MSL2: variants seen among roughly 807,000 people sequenced by gnomAD.
MSL2 encodes the protein E3 ubiquitin-protein ligase MSL2.
Under a neutral mutation model 35.8 loss-of-function variants are expected in MSL2, and 2 were observed. The observed-to-expected ratio is 0.06, with a 90% CI of 0.02 to 0.18. The LOEUF (loss-of-function observed/expected upper bound fraction) is 0.18. Among genes scored for constraint, MSL2 ranks in the 10% least tolerant of loss-of-function variants. The pLI is 1.00. For missense variants in MSL2, 523 were observed against 706.7 expected (o/e 0.74, Z 2.95); for synonymous variants, 296 against 255.7 (o/e 1.16, Z -1.50).
chr3:136,158,598 T>C (rs1022672777), intron 1 of MSL2, among the ~76,000 whole-genome samples: 1 of 152,094 alleles, frequency 6.6e-6, no homozygotes, highest in African/African-American at 2.4e-5. Context: ...AAATTGTACT[T>C]GTTCTAGCTG....
chr3:136,160,390 CCA>C (rs1437737889), intron 1 of MSL2, among the ~76,000 whole-genome samples: 2 of 109,210 alleles, frequency 1.8e-5, no homozygotes, highest in Non-Finnish European at 3.6e-5. Flanking sequence ...CAAAAATAAA[CCA>C]CAGACTGAGA....
At chr3:136,170,908 G>A (rs1207406168) in intron 1 of MSL2, among the ~76,000 whole-genome samples, 2 of 152,044 alleles carry the variant, frequency 1.3e-5, no homozygotes, top group Non-Finnish European at 2.9e-5. Context: ...GTAAAAATGA[G>A]GTAGCAGAAC....
chr3:136,195,827 G>T lies in MSL2; in HGVS notation c.-714C>A, dbSNP rs1159706903. 4.1e-6 allele frequency: 4 copies of T among 984,804 alleles called. No individual in the cohort carries two copies. The South Asian group carries it at 1.4e-4, about 35-fold the overall frequency. The allele number at this position is 984,804 out of a possible 1,614,324, so 61.0% of individuals were successfully genotyped here. ...GGGCGGGAGTCCTCAACCCGGAGGGGAAGGCCGGGGAGGAAGTGCGCGGGC... is the reference window on the plus strand; with the variant it reads ...GGGCGGGAGTCCTCAACCCGGAGGGTAAGGCCGGGGAGGAAGTGCGCGGGC... On this transcript the variant is annotated 5_prime_UTR_variant, in exon 1 of 2. Transcript: ENST00000309993.
chr3:136,156,528 GA>G (rs934746168), intron 1 of MSL2, among the ~76,000 whole-genome samples: 35 of 152,130 alleles, frequency 2.3e-4, no homozygotes, highest in Admixed American at 1.8e-3. Context: ...AGTCTCCTTA[GA>G]AAAAAAATTA....
rs538757436 is a variant in MSL2 at position 136,187,943 on chromosome 3, T to TA, written c.142+7028dup. 1.7e-3 allele frequency among the ~76,000 whole-genome samples: 265 copies of TA among 151,646 alleles called. 3 individuals are homozygous for TA. Among genetic ancestry groups the TA allele is most frequent in the African/African-American group, 4.7e-3 (196 of 41,362 alleles). On this transcript the variant is annotated intron_variant, in intron 1 of 1. Coordinates refer to ENST00000309993, the MANE Select transcript of MSL2 (RefSeq NM_018133.4). ...CAGGTGGCCTGTAGAACATATTTTT[T>TA]AAAAAAAAGAAAGAAAGAAACGGGT... is the stretch of plus-strand genomic sequence containing the variant.
Position 136,151,074 on chromosome 3 carries a change from AC to A in MSL2, c.*72del, listed in dbSNP as rs1939349293. The A allele has an allele frequency of 6.6e-7, 1 of 1,518,242 alleles. No individual in the cohort carries two copies. The highest frequency in any genetic ancestry group is 1.4e-5 in the African/African-American group (1 of 72,312). The allele number at this position is 1,518,242 out of a possible 1,614,324, so 94.0% of individuals were successfully genotyped here. A position where few individuals can be genotyped will look rare whatever the true frequency, so the allele number is the denominator to read the frequency against. ...ATATGCAGGAGCTCCGGCAAGTTAAACCAACAGAACCATAGCTGCCGTAAAA... is the reference window on the plus strand; with the variant it reads ...ATATGCAGGAGCTCCGGCAAGTTAAACAACAGAACCATAGCTGCCGTAAAA... On this transcript the variant is annotated 3_prime_UTR_variant, in exon 2 of 2. Transcript: ENST00000309993. The surrounding 1 kb of genome is among the most constrained non-coding windows in gnomAD (Gnocchi z 5.2).
At chr3:136,163,107 A>G (rs1426890968) in intron 1 of MSL2, among the ~76,000 whole-genome samples, 1 of 152,004 alleles carries the variant, frequency 6.6e-6, no homozygotes, top group African/African-American at 2.4e-5. Context: ...AAAATACAAC[A>G]TATTAGCTGG....
At chr3:136,184,050 C>A (rs1940440657) in intron 1 of MSL2, among the ~76,000 whole-genome samples, 1 of 152,252 alleles carries the variant, frequency 6.6e-6, no homozygotes, top group East Asian at 1.9e-4. Context: ...AATCGCAGCA[C>A]TTTGGGAGGC....
intron 1 of MSL2, among the ~76,000 whole-genome samples, chr3:136,166,059 CAGTAAAAA>C (rs1939838610): frequency 1.1e-5 from 1 of 87,488 alleles, no homozygotes; most frequent in African/African-American, 4.6e-5. Flanking sequence ...ATGTACGTAC[CAGTAAAAA>C]AAAAAAAAAA....
intron 1 of MSL2, among the ~76,000 whole-genome samples, chr3:136,165,227 C>T (rs918352645): frequency 6.7e-6 from 1 of 149,562 alleles, no homozygotes; most frequent in Non-Finnish European, 1.5e-5. Flanking sequence ...AAAAAAAAGT[C>T]TCACTGCACT....
chr3:136,179,473 G>T (rs1412193803), intron 1 of MSL2, among the ~76,000 whole-genome samples: 2 of 152,172 alleles, frequency 1.3e-5, no homozygotes, highest in East Asian at 3.8e-4. Context: ...GAGCCATCCT[G>T]CCCAGCGAGG....
At chr3:136,157,602 T>C (rs1356162630) in intron 1 of MSL2, among the ~76,000 whole-genome samples, 22 of 152,088 alleles carry the variant, frequency 1.4e-4, no homozygotes. Flanking sequence ...CAAAAGTTGG[T>C]TGTTTTAAAA....
intron 1 of MSL2, chr3:136,194,245 G>A (rs1464926763): frequency 5.1e-6 from 1 of 195,288 alleles, no homozygotes; most frequent in Non-Finnish European, 9.3e-6. Flanking sequence ...ATTTTCCTTA[G>A]ACAATTTAGC....
chr3:136,169,278 T>C (rs944390889), intron 1 of MSL2, among the ~76,000 whole-genome samples: 1 of 124,180 alleles, frequency 8.1e-6, no homozygotes, highest in Non-Finnish European at 1.6e-5. Context: ...TGGTTACGGG[T>C]ACATAATTTT....
chr3:136,181,525 C>A (rs1222035432), intron 1 of MSL2, among the ~76,000 whole-genome samples: 3 of 152,032 alleles, frequency 2.0e-5, no homozygotes, highest in African/African-American at 7.2e-5. Flanking sequence ...CGTGGAACAC[C>A]TTCTTGGGCC....
Position 136,195,869 on chromosome 3 carries a change from G to C in MSL2, c.-756C>G, listed in dbSNP as rs867218073. 1.0e-6 allele frequency: 1 copy of C among 968,134 alleles called. No individual in the cohort carries two copies. Among genetic ancestry groups the C allele is most frequent in the African/African-American group, 1.8e-5 (1 of 56,602 alleles). The allele number at this position is 968,134 out of a possible 1,614,324, so 60.0% of individuals were successfully genotyped here. On this transcript the variant is annotated 5_prime_UTR_variant, in exon 1 of 2. Transcript: ENST00000309993. ...TGCGCGGGCCGCCGCCGGCGGGCGG[G>C]AGGGGGCGGGGGGCAAGCCCGGCCG... is the stretch of plus-strand genomic sequence containing the variant.
intron 1 of MSL2, among the ~76,000 whole-genome samples, chr3:136,187,369 C>T (rs975304966): frequency 3.3e-5 from 5 of 152,088 alleles, no homozygotes; most frequent in Non-Finnish European, 5.9e-5. Flanking sequence ...AGACTCCAAA[C>T]AAACCATATT....
At chr3:136,188,435 A>G (rs900824513) in intron 1 of MSL2, among the ~76,000 whole-genome samples, 4 of 149,154 alleles carry the variant, frequency 2.7e-5, no homozygotes, top group African/African-American at 9.9e-5. Context: ...TCCATCTGGA[A>G]GAAGAAAAAA....
At chr3:136,155,124 G>A (rs112490075) in intron 1 of MSL2, among the ~76,000 whole-genome samples, 9,030 of 151,830 alleles carry the variant, frequency 0.059, 300 homozygotes, top group South Asian at 0.071. Context: ...CAGGACAATC[G>A]CTTGAACCCG....
Sources: allele counts gnomAD v4.1 joint callset (sites outside exome capture counted in the v4.1 genomes callset), GRCh38; gene constraint gnomAD v4.1.1; non-coding constraint Gnocchi (gnomAD v3.1); transcripts MANE v1.5; gene names NCBI Gene and HGNC (gene_info 2026-07-23, HGNC 2026-07-21).